The following TOP2B variants were observed in gnomAD, a reference collection of about 807,000 sequenced individuals.
TOP2B encodes DNA topoisomerase II beta, also known as DNA topoisomerase 2-beta.
A neutral mutation model predicts 193.5 loss-of-function variants in TOP2B; 51 were observed. That is an observed-to-expected ratio of 0.26 (90% CI 0.21 to 0.33). The LOEUF is 0.33. TOP2B is among the 10% of genes least tolerant of loss of function. The pLI, the probability that TOP2B is intolerant of heterozygous loss-of-function variation, is 1.00. For missense variants in TOP2B, 1,378 were observed against 1,909.3 expected, an observed-to-expected ratio of 0.72 and a Z score of 5.19; for synonymous variants, 634 against 635.7, an observed-to-expected ratio of 1.00 and a Z score of 0.04.
chr3:25,638,417 C>G (rs752205117), intron 4 of TOP2B, 107 bp from the exon 5 acceptor site: 270 of 1,268,270 alleles, frequency 2.1e-4, no homozygotes, highest in Middle Eastern at 2.9e-4. Context: ...TAGAATAAAC[C>G]TTAATGGTTA....
rs540231638 is a variant in TOP2B, at chr3:25,638,180, C to G, written c.526G>C (p.Glu176Gln). ...LLTSSNYDDD[E>Q]KKVTGGRNGY... The stretch of plus-strand genomic sequence containing the variant: ...CAGACTTTACCTGTAACTTTTTTCT[C>G]ATCATCATCATAGTTACTGGATGTT... Residue 176 changes from glutamate (E) to glutamine (Q), a missense_variant, in exon 5 of 36, where the codon GAG becomes CAG. Around this residue, in one of 9 missense-constraint regions of TOP2B, gnomAD observed 222 missense variants for 306.6 expected, o/e 0.72. Transcript: ENST00000264331. 2 of 1,564,986 alleles carry G rather than the reference C, an allele frequency of 1.3e-6. No homozygotes were observed. Among genetic ancestry groups the G allele is most frequent in the East Asian group, 4.6e-5 (2 of 43,274 alleles).
In TOP2B at chr3:25,613,659, T is replaced by G. The variant is rs532656229; in HGVS notation, c.3592-950A>C. On this transcript the variant is annotated intron_variant, in intron 27 of 35. Coordinates refer to ENST00000264331, the MANE Select transcript of TOP2B (RefSeq NM_001330700.2). ...AGGAGGACTGCTTGAGCCCAAGTGG[T>G]TGAGGCTGCAATGAGCCATGATTGT... 9.5e-4 allele frequency among the ~76,000 whole-genome samples: 145 copies of G among 151,964 alleles called. 1 individual carries two copies. The Middle Eastern group carries it at 0.014, about 14-fold the overall frequency.
chr3:25,661,127 A>G (rs1315163446), intron 1 of TOP2B, among the ~76,000 whole-genome samples: 2 of 151,464 alleles, frequency 1.3e-5, no homozygotes, highest in African/African-American at 4.9e-5. Flanking sequence ...CAGCCTCCCG[A>G]GTAGCTGGGA....
At chr3:25,627,052 C>A (rs1437240912) in intron 16 of TOP2B, 135 bp downstream of exon 16, 1 of 721,540 alleles carries the variant, frequency 1.4e-6, no homozygotes, top group African/African-American at 1.8e-5. Context: ...AGCACAGCAT[C>A]ATCTGGGGGA....
At chr3:25,601,308 T>C in intron 33 of TOP2B, 83 bp from the exon 34 acceptor site, 1 of 1,456,982 alleles carries the variant, frequency 6.9e-7, no homozygotes, top group Non-Finnish European at 9.2e-7. Context: ...ATGGAATTTC[T>C]TATAGCTGAT....
chr3:25,654,010 G>A (rs1703674145), intron 1 of TOP2B, among the ~76,000 whole-genome samples: 1 of 152,150 alleles, frequency 6.6e-6, no homozygotes, highest in Non-Finnish European at 1.5e-5. Flanking sequence ...ACATATACTG[G>A]TGAAAGACTA....
intron 21 of TOP2B, among the ~76,000 whole-genome samples, chr3:25,622,242 A>G (rs1338102250): frequency 6.6e-6 from 1 of 152,200 alleles, no homozygotes; most frequent in South Asian, 2.1e-4. Context: ...TTAACAATCT[A>G]AAATCCATTT....
chr3:25,613,107 C>T (rs1336380473), intron 27 of TOP2B, among the ~76,000 whole-genome samples: 1 of 151,190 alleles, frequency 6.6e-6, no homozygotes, highest in Non-Finnish European at 1.5e-5. Context: ...TTGCTTTAGT[C>T]GTAATAGAAA....
chr3:25,618,375 C>G, intron 25 of TOP2B, 43 bp downstream of exon 25: 1 of 1,483,744 alleles, frequency 6.7e-7, no homozygotes, highest in South Asian at 1.2e-5. Context: ...TTGGAAGTTG[C>G]TTTTAAAAGC....
chr3:25,661,760 T>G (rs900471284), intron 1 of TOP2B, among the ~76,000 whole-genome samples: 2 of 152,204 alleles, frequency 1.3e-5, no homozygotes, highest in African/African-American at 4.8e-5. Flanking sequence ...GGCTTTGTAG[T>G]TTCAGATATT....
At chr3:25,640,067 TTTAA>T (rs1218309906) in intron 4 of TOP2B, among the ~76,000 whole-genome samples, 1 of 152,180 alleles carries the variant, frequency 6.6e-6, no homozygotes, top group African/African-American at 2.4e-5. Context: ...CTTTTTCTCA[TTTAA>T]ATTTAGCTTT....
At chr3:25,633,189 A>G (rs568681213) in intron 8 of TOP2B, among the ~76,000 whole-genome samples, 35 of 152,274 alleles carry the variant, frequency 2.3e-4, no homozygotes, top group African/African-American at 8.2e-4. Context: ...GATGCCAGTT[A>G]CAAGTCCTAG....
intron 1 of TOP2B, among the ~76,000 whole-genome samples, chr3:25,653,164 C>A (rs1160361733): frequency 6.6e-6 from 1 of 152,222 alleles, no homozygotes; most frequent in East Asian, 1.9e-4. Flanking sequence ...CAAAGAAAAG[C>A]CCAGTACCAG....
intron 1 of TOP2B, among the ~76,000 whole-genome samples, chr3:25,646,118 C>G (rs1703408137): frequency 6.6e-6 from 1 of 151,942 alleles, no homozygotes; most frequent in African/African-American, 2.4e-5. Context: ...AATTTGAGTT[C>G]TGGTGAAGTT....
rs775866165 is a variant in TOP2B, at chr3:25,615,223, T to C, written c.3573A>G (p.Ala1191=). ...PSDLWKEDLA[A]FVEELDKVES... is the part of the protein sequence containing the mutation. Reference sequence around the variant, plus strand: ...AACCTACATCCAGTTCTTCAACAAATGCCGCTAAATCCTCTTTCCAAAGAT... The same window carrying C: ...AACCTACATCCAGTTCTTCAACAAACGCCGCTAAATCCTCTTTCCAAAGAT... The change falls in exon 27 of 36, where the codon GCA becomes GCG. Residue 1191 remains alanine, a synonymous_variant. Transcript: ENST00000264331. The C allele has an allele frequency of 3.7e-6, 6 of 1,612,292 alleles. No homozygotes were observed. Among genetic ancestry groups the C allele is most frequent in the South Asian group, 1.1e-5 (1 of 90,936 alleles).
At chr3:25,601,610 C>A (rs180849472) in intron 33 of TOP2B, among the ~76,000 whole-genome samples, 81 of 151,738 alleles carry the variant, frequency 5.3e-4, no homozygotes, top group African/African-American at 1.8e-3. Context: ...AAAACTCTAT[C>A]TTCAAAAAAA....
chr3:25,602,876 A>G (rs1167949319), intron 33 of TOP2B, among the ~76,000 whole-genome samples: 1 of 152,232 alleles, frequency 6.6e-6, no homozygotes. Context: ...GAGTTAACAT[A>G]GACAATCCCA....
chr3:25,663,283 C>A (rs940558909), intron 1 of TOP2B, among the ~76,000 whole-genome samples: 1 of 152,118 alleles, frequency 6.6e-6, no homozygotes, highest in African/African-American at 2.4e-5. Context: ...TATGAAAGCT[C>A]CCTTGAGGTA....
At chr3:25,641,687 G>T (rs1040503912) in intron 4 of TOP2B, among the ~76,000 whole-genome samples, 4 of 151,862 alleles carry the variant, frequency 2.6e-5, no homozygotes, top group Non-Finnish European at 4.4e-5. Flanking sequence ...GACTATACCT[G>T]AATTATTAGA....
Sources: allele counts gnomAD v4.1 joint callset (sites outside exome capture counted in the v4.1 genomes callset), GRCh38; gene constraint gnomAD v4.1.1; regional missense constraint gnomAD v4.1.1; transcripts MANE v1.5; gene names NCBI Gene and HGNC (gene_info 2026-07-23, HGNC 2026-07-21).